JAZF1: variants seen among roughly 807,000 people sequenced by gnomAD.
JAZF1 encodes the protein juxtaposed with another zinc finger protein 1.
A neutral mutation model predicts 26.4 loss-of-function variants in JAZF1; 8 were observed. The observed-to-expected ratio is 0.30, with a 90% CI of 0.18 to 0.55. The LOEUF is 0.55. JAZF1 is among the 20% of genes least tolerant of loss of function. The pLI is 0.94. For synonymous variants in JAZF1, 126 were observed against 122.3 expected (o/e 1.03, Z -0.20); for missense variants, 199 against 322.0 (o/e 0.62, Z 2.92).
rs551047063 is a variant in JAZF1 at position 28,100,864 on chromosome 7, C to T, written c.115+79599G>A. Reference sequence around the variant, plus strand: ...GGGCCACCAAGAAATAGGTTTGAGGCATCTGTGCATCTACACTGTATTTTG... The same window carrying T: ...GGGCCACCAAGAAATAGGTTTGAGGTATCTGTGCATCTACACTGTATTTTG... On this transcript the variant is annotated intron_variant, in intron 1 of 4. Transcript: ENST00000283928. Among the ~76,000 whole-genome samples, 10 of 151,292 alleles carry T rather than the reference C, an allele frequency of 6.6e-5. No homozygotes were observed. The East Asian group carries it at 1.6e-3, about 24-fold the overall frequency.
At chr7:28,145,190 G>A (rs902435642) in intron 1 of JAZF1, among the ~76,000 whole-genome samples, 2 of 152,016 alleles carry the variant, frequency 1.3e-5, no homozygotes, top group African/African-American at 4.8e-5. Flanking sequence ...CTTCTAAACC[G>A]GATCCACATT....
At chr7:28,080,530 G>A (rs1784118467) in intron 1 of JAZF1, among the ~76,000 whole-genome samples, 1 of 152,138 alleles carries the variant, frequency 6.6e-6, no homozygotes, top group South Asian at 2.1e-4. Context: ...TCCTCACTAA[G>A]CTTAATCCTT....
chr7:28,080,486 G>A (rs894100283), intron 1 of JAZF1, among the ~76,000 whole-genome samples: 5 of 152,148 alleles, frequency 3.3e-5, no homozygotes, highest in African/African-American at 7.2e-5. Context: ...GCAAGAAGCC[G>A]AGTTTTCAGC....
chr7:27,840,966 A>G lies in JAZF1; in HGVS notation c.386-99T>C, dbSNP rs757501746. 8 of 1,292,336 alleles carry G rather than the reference A, an allele frequency of 6.2e-6. No homozygotes were observed. The South Asian group carries it at 9.4e-5, about 15-fold the overall frequency. The allele number at this position is 1,292,336 out of a possible 1,614,324, so 80.1% of individuals were successfully genotyped here. A position where few individuals can be genotyped will look rare whatever the true frequency, so the allele number is the denominator to read the frequency against. On this transcript the variant is annotated intron_variant, in intron 3 of 4. Transcript: ENST00000283928. The surrounding 1 kb of genome is among the most constrained non-coding windows in gnomAD (Gnocchi z 5.1). ...ACAGGAGATGTGGCCGTGGCAGAGCAGCGCTGACGGCCCAGGGAGAGGGCA... is the reference window on the plus strand; with the variant it reads ...ACAGGAGATGTGGCCGTGGCAGAGCGGCGCTGACGGCCCAGGGAGAGGGCA...
chr7:27,871,495 A>G (rs1783581366), intron 3 of JAZF1, among the ~76,000 whole-genome samples: 1 of 152,222 alleles, frequency 6.6e-6, no homozygotes, highest in Non-Finnish European at 1.5e-5. Context: ...TAAGGAAAGT[A>G]CTTTCCAGTT....
chr7:27,879,895 A>G (rs866813104), intron 3 of JAZF1, among the ~76,000 whole-genome samples: 2 of 152,198 alleles, frequency 1.3e-5, no homozygotes, highest in Admixed American at 6.5e-5. Flanking sequence ...CTTCTGGAAG[A>G]TAACAAAAGA....
intron 1 of JAZF1, among the ~76,000 whole-genome samples, chr7:28,117,079 C>A (rs892338915): frequency 1.3e-5 from 2 of 152,176 alleles, no homozygotes; most frequent in East Asian, 3.8e-4. Flanking sequence ...CCGCCTTGGC[C>A]TTCAATGAAT....
chr7:27,919,209 T>C (rs1288600549), intron 2 of JAZF1, among the ~76,000 whole-genome samples: 2 of 152,202 alleles, frequency 1.3e-5, no homozygotes, highest in Non-Finnish European at 2.9e-5. Flanking sequence ...TTTTGAGCTC[T>C]TAGGAGAGGA....
intron 2 of JAZF1, among the ~76,000 whole-genome samples, chr7:27,984,767 T>C (rs1196924613): frequency 6.6e-6 from 1 of 152,230 alleles, no homozygotes; most frequent in Non-Finnish European, 1.5e-5. Flanking sequence ...CAGACCACAG[T>C]GCAATCAAAC....
At chr7:28,088,711 A>G (rs1347872130) in intron 1 of JAZF1, among the ~76,000 whole-genome samples, 1 of 152,148 alleles carries the variant, frequency 6.6e-6, no homozygotes, top group Admixed American at 6.5e-5. Flanking sequence ...CTCCTCTGTT[A>G]GAACTCTGTT....
At chr7:28,080,940 A>AC (rs35773412) in intron 1 of JAZF1, among the ~76,000 whole-genome samples, 1 of 149,876 alleles carries the variant, frequency 6.7e-6, no homozygotes, top group African/African-American at 2.5e-5. Flanking sequence ...GTAAAAAAAA[A>AC]CAAAAAAAAA....
chr7:27,906,761 T>A (rs1370804664), intron 2 of JAZF1, among the ~76,000 whole-genome samples: 1 of 152,228 alleles, frequency 6.6e-6, no homozygotes. Flanking sequence ...CAACTCCCTA[T>A]CCTCCTTTCC....
chr7:27,905,478 TAAGGATAAAA>T (rs1784239014), intron 2 of JAZF1, among the ~76,000 whole-genome samples: 3 of 151,148 alleles, frequency 2.0e-5, no homozygotes, highest in Non-Finnish European at 4.4e-5. Context: ...AAAGGTGGGG[TAAGGATAAAA>T]AAAGATAAAA....
intron 2 of JAZF1, among the ~76,000 whole-genome samples, chr7:27,914,416 T>A (rs975922065): frequency 6.6e-6 from 1 of 152,132 alleles, no homozygotes; most frequent in African/African-American, 2.4e-5. Context: ...AAGACCACTG[T>A]GTATGGTTGG....
chr7:28,025,461 T>A (rs1415432815), intron 1 of JAZF1, among the ~76,000 whole-genome samples: 1 of 143,980 alleles, frequency 6.9e-6, no homozygotes, highest in Non-Finnish European at 1.5e-5. Context: ...ATAGACTTGC[T>A]TTGGTCCACA....
At chr7:28,022,450 C>T (rs935930972) in intron 1 of JAZF1, among the ~76,000 whole-genome samples, 2 of 152,220 alleles carry the variant, frequency 1.3e-5, no homozygotes, top group Non-Finnish European at 2.9e-5. Context: ...TATCTGCCAA[C>T]AAAGTTCAGC....
At chr7:28,020,445 C>T in intron 1 of JAZF1, 2 of 381,990 alleles carry the variant, frequency 5.2e-6, no homozygotes, top group Non-Finnish European at 5.3e-6. Context: ...CGAGGAGAGC[C>T]AGCGCCTCCA....
chr7:27,949,320 T>C (rs757136), intron 2 of JAZF1, among the ~76,000 whole-genome samples: 27,368 of 152,174 alleles, frequency 0.18, 3,260 homozygotes, highest in East Asian at 0.45. Context: ...CCAGCCTTTC[T>C]ATTGTCGTGC....
At chr7:27,992,691 G>A (rs571996926) in intron 1 of JAZF1, among the ~76,000 whole-genome samples, 3 of 152,098 alleles carry the variant, frequency 2.0e-5, no homozygotes, top group African/African-American at 7.2e-5. Context: ...CTCACATAGA[G>A]AAATGACTGT....
Sources: allele counts gnomAD v4.1 joint callset (sites outside exome capture counted in the v4.1 genomes callset), GRCh38; gene constraint gnomAD v4.1.1; non-coding constraint Gnocchi (gnomAD v3.1); transcripts MANE v1.5; gene names NCBI Gene and HGNC (gene_info 2026-07-23, HGNC 2026-07-21).